TSBP1: variants seen among roughly 807,000 people sequenced by gnomAD.
The protein encoded by TSBP1 is testis expressed basic protein 1.
In TSBP1, 56 loss-of-function variants were observed where a neutral mutation model predicts 68.8. The observed-to-expected ratio is 0.81, with a 90% CI of 0.66 to 1.02. The LOEUF (loss-of-function observed/expected upper bound fraction) is 1.02, where lower values mean the gene tolerates loss of function less well. Among genes scored for constraint, TSBP1 ranks in the 50% least tolerant of loss-of-function variants. TSBP1 has a pLI of 0.00. For synonymous variants in TSBP1, 171 were observed against 208.7 expected (o/e 0.82, Z 1.56); for missense variants, 502 against 641.2 (o/e 0.78, Z 2.34).
chr6:32,330,485 A>G, intron 16 of TSBP1, 104 bp downstream of exon 17: 1 of 992,476 alleles, frequency 1.0e-6, no homozygotes, highest in Non-Finnish European at 1.5e-6. Flanking sequence ...AACTGCTCTT[A>G]TGGCAGTGAG....
chr6:32,338,627 C>T lies in TSBP1; in HGVS notation c.409+352G>A, dbSNP rs1189304447. ...GTGAGCTGGGACTCACTGCATGTCACTGAAATTTTCTTGGCGGGTCTTAAG... is the reference window on the plus strand; with the variant it reads ...GTGAGCTGGGACTCACTGCATGTCATTGAAATTTTCTTGGCGGGTCTTAAG... On this transcript the variant is annotated intron_variant, in intron 11 of 22. Transcript: ENST00000612031. This position sits in a 1 kb window ranked among gnomAD's most constrained non-coding sequence, Gnocchi z 5.5. Among the ~76,000 whole-genome samples, 1 of 152,184 alleles carries T rather than the reference C, an allele frequency of 6.6e-6. No homozygotes were observed. The highest frequency in any genetic ancestry group is 1.9e-4 in the East Asian group (1 of 5,196).
Position 32,302,672 on chromosome 6 carries a change from G to A in TSBP1, c.581-43C>T, listed in dbSNP as rs768325305. On this transcript the variant is annotated intron_variant, in intron 19 of 22. Coordinates refer to ENST00000612031, the Ensembl canonical transcript of TSBP1. This position sits in a 1 kb window ranked among gnomAD's most constrained non-coding sequence, Gnocchi z 5.1. ...AAAATAGGTTAATGGCAGCATTTTT[G>A]GAACAGAAGTACAGTTCTTTCCTAC... 2.7e-6 allele frequency: 4 copies of A among 1,471,114 alleles called. No homozygotes were observed. Among genetic ancestry groups the A allele is most frequent in the Admixed American group, 2.3e-5 (1 of 43,744 alleles). 91.1% of individuals were successfully genotyped at this position (1,471,114 alleles called of 1,614,324 possible). A position where few individuals can be genotyped will look rare whatever the true frequency, so the allele number is the denominator to read the frequency against.
intron 22 of TSBP1, among the ~76,000 whole-genome samples, chr6:32,295,526 C>T (rs1163660121): frequency 6.6e-6 from 1 of 152,082 alleles, no homozygotes; most frequent in Non-Finnish European, 1.5e-5. Context: ...GTAACATAGC[C>T]TTTGGAGACA....
At position 32,292,839 on chromosome 6, in the gene TSBP1, C is replaced by A; in HGVS notation, c.*142G>T. The A allele has an allele frequency of 1.7e-6, 1 of 605,292 alleles. No homozygotes were observed. The highest frequency in any genetic ancestry group is 2.9e-6 in the Non-Finnish European group (1 of 350,500). The allele number at this position is 605,292 out of a possible 1,614,324, so 37.5% of individuals were successfully genotyped here. A position where few individuals can be genotyped will look rare whatever the true frequency, so the allele number is the denominator to read the frequency against. ...TGAGAGATTAAAAAGGGTGAAACTT[C>A]TGAAGAGCAGAAACTGTGATATGAA... is the stretch of plus-strand genomic sequence containing the variant. On this transcript the variant is annotated 3_prime_UTR_variant, in exon 23 of 23. Coordinates refer to ENST00000612031, the Ensembl canonical transcript of TSBP1. The surrounding 1 kb of genome is among the most constrained non-coding windows in gnomAD (Gnocchi z 4.1).
At chr6:32,362,288 C>CAAAAAAAAAAAA (rs9257083) in intron 6 of TSBP1, among the ~76,000 whole-genome samples, 2 of 101,286 alleles carry the variant, frequency 2.0e-5, no homozygotes, top group African/African-American at 3.7e-5. Context: ...GACTCCGTCT[C>CAAAAAAAAAAAA]AAAAAAAAAA....
intron 16 of TSBP1, among the ~76,000 whole-genome samples, chr6:32,329,130 C>T (rs1255474545): frequency 2.0e-5 from 3 of 152,086 alleles, no homozygotes; most frequent in African/African-American, 7.2e-5. Context: ...TTCTCCAAAT[C>T]GCTTATAACT....
chr6:32,354,969 T>C (rs1436744315), intron 8 of TSBP1, among the ~76,000 whole-genome samples, 155 bp downstream of exon 8: 1 of 152,108 alleles, frequency 6.6e-6, no homozygotes, highest in Non-Finnish European at 1.5e-5. Context: ...ATGACAAGAA[T>C]ATTATCAATT....
At chr6:32,312,701 C>T (rs1017050184) in intron 19 of TSBP1, among the ~76,000 whole-genome samples, 1 of 152,164 alleles carries the variant, frequency 6.6e-6, no homozygotes, top group African/African-American at 2.4e-5. Context: ...GTTTCTTAGA[C>T]CCCAAATCTA....
chr6:32,295,285 G>C (rs1764567033), intron 22 of TSBP1, among the ~76,000 whole-genome samples: 1 of 149,038 alleles, frequency 6.7e-6, no homozygotes, highest in South Asian at 2.1e-4. Context: ...GCAGTGGGCT[G>C]GGATTGCACC....
chr6:32,355,076 T>G (rs1304922752), intron 8 of TSBP1, 48 bp downstream of exon 8: 27 of 1,566,148 alleles, frequency 1.7e-5, no homozygotes, highest in Non-Finnish European at 2.2e-5. Flanking sequence ...AAATAGGGCT[T>G]GCAAACCAGA....
At chr6:32,369,702 A>G (rs968931650) in intron 2 of TSBP1, among the ~76,000 whole-genome samples, 195 bp downstream of exon 2, 4 of 152,196 alleles carry the variant, frequency 2.6e-5, no homozygotes, top group Non-Finnish European at 5.9e-5. Flanking sequence ...TGATAATGTA[A>G]ACCTTGGGAG....
chr6:32,354,453 T>A (rs1402173611), intron 8 of TSBP1, among the ~76,000 whole-genome samples: 1 of 152,076 alleles, frequency 6.6e-6, no homozygotes, highest in Non-Finnish European at 1.5e-5. Flanking sequence ...TTGGAAATAT[T>A]TATTTATTTT....
rs529691272 is a variant in TSBP1, at chr6:32,363,832, A to T, written c.217+2335T>A. On this transcript the variant is annotated intron_variant, in intron 6 of 22. Coordinates refer to ENST00000612031, the Ensembl canonical transcript of TSBP1. ...GACTGTATATTTACCTTACCAGTGAATTTTATACTTGGATATGTTTTCATT... is the reference window on the plus strand; with the variant it reads ...GACTGTATATTTACCTTACCAGTGATTTTTATACTTGGATATGTTTTCATT... 1.7e-4 allele frequency among the ~76,000 whole-genome samples: 26 copies of T among 152,150 alleles called. No individual in the cohort carries two copies. The South Asian group carries it at 5.4e-3, about 32-fold the overall frequency.
chr6:32,344,064 C>G (rs1328832099), intron 9 of TSBP1, among the ~76,000 whole-genome samples: 1 of 151,802 alleles, frequency 6.6e-6, no homozygotes, highest in Non-Finnish European at 1.5e-5. Flanking sequence ...TTCTCACCAT[C>G]TTTTGGAACT....
At chr6:32,348,015 T>C (rs1338828110) in intron 9 of TSBP1, among the ~76,000 whole-genome samples, 1 of 152,272 alleles carries the variant, frequency 6.6e-6, no homozygotes, top group Non-Finnish European at 1.5e-5. Flanking sequence ...ACTATGATAG[T>C]CTAGTAATCA....
At chr6:32,299,410 A>G (rs1254098547) in intron 22 of TSBP1, among the ~76,000 whole-genome samples, 1 of 152,234 alleles carries the variant, frequency 6.6e-6, no homozygotes, top group East Asian at 1.9e-4. Context: ...TTCCCCCATT[A>G]ATATGATTCA....
chr6:32,304,634 A>C lies in TSBP1; in HGVS notation c.581-2005T>G, dbSNP rs562540165. Among the ~76,000 whole-genome samples the C allele has an allele frequency of 6.6e-6, 1 of 152,308 alleles. No individual in the cohort carries two copies. The highest frequency in any genetic ancestry group is 2.4e-5 in the African/African-American group (1 of 41,580). ...TCACATTCTTTCAGGAGACTGGCTA[A>C]TAGTTAAAGGTTACTAATTTATGTT... On this transcript the variant is annotated intron_variant, in intron 19 of 22. Coordinates refer to ENST00000612031, the Ensembl canonical transcript of TSBP1. This position sits in a 1 kb window ranked among gnomAD's most constrained non-coding sequence, Gnocchi z 4.8.
chr6:32,332,160 G>A (rs1583073582), intron 14 of TSBP1, 106 bp from the exon 16 acceptor site: 2 of 798,082 alleles, frequency 2.5e-6, no homozygotes, highest in East Asian at 5.0e-5. Flanking sequence ...CAGGGGAGAG[G>A]AAGTGATATC....
At chr6:32,311,944 T>TC (rs1766448565) in intron 19 of TSBP1, among the ~76,000 whole-genome samples, 1 of 152,170 alleles carries the variant, frequency 6.6e-6, no homozygotes. Context: ...TCCTGAGGGT[T>TC]CAGTGGGCAG....
Sources: allele counts gnomAD v4.1 joint callset (sites outside exome capture counted in the v4.1 genomes callset), GRCh38; gene constraint gnomAD v4.1.1; non-coding constraint Gnocchi (gnomAD v3.1); transcripts MANE v1.5; gene names NCBI Gene and HGNC (gene_info 2026-07-23, HGNC 2026-07-21).